Variants in USP43 observed in about 807,000 individuals in gnomAD.
USP43 encodes the protein ubiquitin specific peptidase 43.
Under a neutral mutation model 90.7 loss-of-function variants are expected in USP43, and 33 were observed. That is an observed-to-expected ratio of 0.36 (90% CI 0.28 to 0.49). The LOEUF is 0.49. USP43 is among the 20% of genes least tolerant of loss of function. The probability of loss-of-function intolerance (pLI) is 0.98; values close to 1 mark genes in which losing one functional copy is unlikely to be tolerated. For missense variants in USP43, 1,274 were observed against 1,476.4 expected, an observed-to-expected ratio of 0.86 and a Z score of 2.25; for synonymous variants, 598 against 615.8, an observed-to-expected ratio of 0.97 and a Z score of 0.43.
At chr17:9,682,801 A>T in intron 6 of USP43, 22 bp from the exon 7 acceptor site, 1 of 1,612,132 alleles carries the variant, frequency 6.2e-7, no homozygotes, top group Non-Finnish European at 8.5e-7. Context: ...AATATGAACA[A>T]ATGTCATTCT....
At chr17:9,656,966 A>T (rs1912296818) in intron 2 of USP43, among the ~76,000 whole-genome samples, 1 of 152,294 alleles carries the variant, frequency 6.6e-6, no homozygotes, top group African/African-American at 2.4e-5. Flanking sequence ...CACAGGATGG[A>T]TGATTTTTAC....
intron 1 of USP43, among the ~76,000 whole-genome samples, chr17:9,649,502 G>A (rs1911707410): frequency 6.6e-6 from 1 of 151,880 alleles, no homozygotes; most frequent in African/African-American, 2.4e-5. Context: ...TGCTCAACAG[G>A]AAGGTTTTCG....
At chr17:9,647,907 G>C (rs1049041966) in intron 1 of USP43, among the ~76,000 whole-genome samples, 5 of 151,510 alleles carry the variant, frequency 3.3e-5, no homozygotes, top group African/African-American at 1.2e-4. Context: ...TGTAGTCCCA[G>C]CTACTGGGGA....
At chr17:9,670,686 CTT>C (rs1213132601) in intron 3 of USP43, among the ~76,000 whole-genome samples, 1 of 152,050 alleles carries the variant, frequency 6.6e-6, no homozygotes, top group Non-Finnish European at 1.5e-5. Flanking sequence ...ACATGCCTGA[CTT>C]GGCGTGGGAT....
chr17:9,705,947 G>A (rs954663478), intron 12 of USP43, among the ~76,000 whole-genome samples: 6 of 152,320 alleles, frequency 3.9e-5, no homozygotes, highest in Middle Eastern at 3.4e-3. Context: ...AAGGGTCATA[G>A]CAGTTTGCAC....
At chr17:9,720,675 A>G (rs1916901452) in intron 14 of USP43, among the ~76,000 whole-genome samples, 1 of 151,848 alleles carries the variant, frequency 6.6e-6, no homozygotes, top group Admixed American at 6.5e-5. Context: ...TTTAGTAGAG[A>G]CAGGGTTTCT....
At chr17:9,668,452 A>G (rs904545020) in intron 3 of USP43, among the ~76,000 whole-genome samples, 5 of 152,278 alleles carry the variant, frequency 3.3e-5, no homozygotes, top group African/African-American at 1.2e-4. Context: ...TAAATAGGAT[A>G]TAATTACTGT....
At chr17:9,725,605 A>G (rs143064917) in intron 14 of USP43, among the ~76,000 whole-genome samples, 2 of 152,348 alleles carry the variant, frequency 1.3e-5, no homozygotes, top group Non-Finnish European at 2.9e-5. Context: ...GAAGGAGAAT[A>G]AAGATAACAG....
chr17:9,727,322 A>G (rs1466579530), intron 14 of USP43, among the ~76,000 whole-genome samples: 2 of 152,174 alleles, frequency 1.3e-5, no homozygotes, highest in East Asian at 3.8e-4. Flanking sequence ...ATTAAGAAAA[A>G]AAATCCATCA....
Position 9,701,515 on chromosome 17 carries a change from C to T in USP43, c.1826C>T (p.Pro609Leu), listed in dbSNP as rs1258392635. The T allele has an allele frequency of 3.8e-6, 6 of 1,566,820 alleles. No individual in the cohort carries two copies. Among genetic ancestry groups the T allele is most frequent in the East Asian group, 2.4e-5 (1 of 42,052 alleles). The change falls in exon 12 of 15, where the codon CCG becomes CTG. Residue 609 changes from proline (P) to leucine (L), a missense_variant. Transcript: ENST00000285199. This position sits in a 1 kb window ranked among gnomAD's most constrained non-coding sequence, Gnocchi z 7.2. The stretch of plus-strand genomic sequence containing the variant: ...AAGCTCTCCACGCTGGTGAAGTTTC[C>T]GCTCTCTGGACTCAACATGGCTCCC... ...RNKLSTLVKF[P>L]LSGLNMAPHV...
intron 14 of USP43, among the ~76,000 whole-genome samples, chr17:9,714,458 G>T (rs1461799605): frequency 3.9e-5 from 6 of 152,138 alleles, no homozygotes; most frequent in Middle Eastern, 3.4e-3. Flanking sequence ...GAGGTGGGCA[G>T]ATCATGGGGT....
intron 14 of USP43, among the ~76,000 whole-genome samples, chr17:9,727,472 A>G (rs914970690): frequency 6.6e-6 from 1 of 151,898 alleles, no homozygotes; most frequent in African/African-American, 2.4e-5. Flanking sequence ...TGCAAAAGTA[A>G]TTGTGGTTTT....
chr17:9,657,909 TAATAG>T (rs1912374646), intron 2 of USP43, among the ~76,000 whole-genome samples: 1 of 147,192 alleles, frequency 6.8e-6, no homozygotes, highest in African/African-American at 2.7e-5. Context: ...TAATCTGCTG[TAATAG>T]AAGAGAAGTT....
intron 6 of USP43, 138 bp downstream of exon 6, chr17:9,680,504 G>GA: frequency 1.0e-6 from 1 of 980,988 alleles, no homozygotes; most frequent in Non-Finnish European, 1.5e-6. Flanking sequence ...GGCATTCGTT[G>GA]TGTGCAGATG....
chr17:9,653,902 G>C (rs1912048017), intron 1 of USP43, among the ~76,000 whole-genome samples: 1 of 152,176 alleles, frequency 6.6e-6, no homozygotes, highest in Non-Finnish European at 1.5e-5. Flanking sequence ...GTCAGCTGTA[G>C]GTGAAACTCA....
rs992277641 is a variant in USP43 at position 9,693,241 on chromosome 17, A to T, written c.1457+11A>T. 1 of 1,606,374 alleles carries T rather than the reference A, an allele frequency of 6.2e-7. No individual in the cohort carries two copies. Among genetic ancestry groups the T allele is most frequent in the Non-Finnish European group, 8.5e-7 (1 of 1,175,278 alleles). ...CTGGGCAGTTGACAGGTAAGGGGGA[A>T]GGTCCAGGTTCAGTCAGCTAATGAA... is the stretch of plus-strand genomic sequence containing the variant. On this transcript the variant is annotated intron_variant, in intron 9 of 14. Transcript: ENST00000285199.
intron 12 of USP43, among the ~76,000 whole-genome samples, chr17:9,704,259 T>G (rs922817890): frequency 2.1e-5 from 3 of 140,968 alleles, no homozygotes; most frequent in African/African-American, 9.3e-5. Context: ...GGGACCTGTG[T>G]GTCTGCAGAC....
At chr17:9,714,133 C>T (rs867824419) in intron 14 of USP43, among the ~76,000 whole-genome samples, 1 of 152,128 alleles carries the variant, frequency 6.6e-6, no homozygotes, top group Non-Finnish European at 1.5e-5. Context: ...GGAGCTCAGG[C>T]GGTAATGCGA....
At chr17:9,653,991 C>T (rs989059617) in intron 1 of USP43, among the ~76,000 whole-genome samples, 1 of 151,884 alleles carries the variant, frequency 6.6e-6, no homozygotes, top group Non-Finnish European at 1.5e-5. Flanking sequence ...AACAGCTGAC[C>T]GATATGAAGG....
Sources: allele counts gnomAD v4.1 joint callset (sites outside exome capture counted in the v4.1 genomes callset), GRCh38; gene constraint gnomAD v4.1.1; non-coding constraint Gnocchi (gnomAD v3.1); transcripts MANE v1.5; gene names NCBI Gene and HGNC (gene_info 2026-07-23, HGNC 2026-07-21).